The following TIAM1 variants were observed in gnomAD, a reference collection of about 807,000 sequenced individuals.
TIAM1 encodes rho guanine nucleotide exchange factor TIAM1.
TIAM1 carries 65 observed loss-of-function variants against 163.5 expected under a neutral mutation model. That is an observed-to-expected ratio of 0.40 (90% CI 0.33 to 0.49). The LOEUF (loss-of-function observed/expected upper bound fraction) is 0.49. Ranked by LOEUF, TIAM1 falls within the 20% of genes least tolerant of loss-of-function variation. The pLI is 0.77. For synonymous variants in TIAM1, 833 were observed against 810.1 expected (o/e 1.03, Z -0.48); for missense variants, 1,789 against 2,044.7 (o/e 0.87, Z 2.41).
At chr21:31,341,986 A>C (rs769786581) in intron 1 of TIAM1, among the ~76,000 whole-genome samples, 4 of 152,198 alleles carry the variant, frequency 2.6e-5, no homozygotes, top group African/African-American at 9.7e-5. Context: ...CCATGAATGA[A>C]AAAGGAAACA....
intron 2 of TIAM1, among the ~76,000 whole-genome samples, chr21:31,443,768 A>G (rs545331387): frequency 2.6e-5 from 4 of 152,342 alleles, no homozygotes; most frequent in Non-Finnish European, 4.4e-5. Flanking sequence ...GGTTTCTACA[A>G]TGAGCCCTGA....
At chr21:31,428,827 G>A (rs1376718074) in intron 2 of TIAM1, among the ~76,000 whole-genome samples, 3 of 151,146 alleles carry the variant, frequency 2.0e-5, no homozygotes, top group Non-Finnish European at 2.9e-5. Flanking sequence ...AGGCTGCAGT[G>A]AGCTGAGATC....
In TIAM1 at chr21:31,485,841, T is replaced by C. The variant is rs531467783; in HGVS notation, c.-421-21806A>G. 1.6e-4 allele frequency among the ~76,000 whole-genome samples: 24 copies of C among 152,290 alleles called. No individual in the cohort carries two copies. In the South Asian group the frequency reaches 4.1e-3, roughly 26 times the overall value. On this transcript the variant is annotated intron_variant, in intron 1 of 28. Transcript: ENST00000286827. ...CACCTACCTGAGGGGTAGGTGCTACTAACATTCCTACTTTGCAGATGAGGA... is the reference window on the plus strand; with the variant it reads ...CACCTACCTGAGGGGTAGGTGCTACCAACATTCCTACTTTGCAGATGAGGA...
chr21:31,266,335 C>G lies in TIAM1; in HGVS notation c.638G>C (p.Gly213Ala). 6.2e-7 allele frequency: 1 copy of G among 1,614,232 alleles called. No individual in the cohort carries two copies. The part of the protein sequence containing the change: ...AEEKDCEEAR[G>A]METRASPRQL... ...CCGCGGACTCGCCCGCGTTTCCATC[C>G]CCCGAGCCTCCTCGCAGTCCTTCTC... The change falls in exon 4 of 28, where the codon GGG becomes GCG. Residue 213 changes from glycine (G) to alanine (A), a missense_variant. Physicochemically the swap from Gly to Ala is moderately conservative, Grantham distance 60 (BLOSUM62 0). This residue lies in a region of TIAM1 where 555 missense variants were observed against 564.9 expected (regional missense o/e 0.98). Coordinates refer to ENST00000541036, the MANE Select transcript of TIAM1 (RefSeq NM_001353694.2).
In TIAM1 at chr21:31,266,940, G is replaced by A. The variant is rs772763315; in HGVS notation, c.33C>T (p.His11=). The A allele has an allele frequency of 3.2e-5, 51 of 1,609,894 alleles. No homozygotes were observed. In the East Asian group the frequency reaches 7.4e-4, roughly 23 times the overall value. MGNAESQHVE[H]EFYGEKHASL... ...TGGCATGCTTTTCTCCATAAAACTC[G>A]TGCTCTACATGTTGACTTTCTGCGT... is the stretch of plus-strand genomic sequence containing the variant. The change falls in exon 4 of 28, where the codon CAC becomes CAT. Residue 11 remains histidine (H), a synonymous_variant. Coordinates refer to ENST00000541036, the MANE Select transcript of TIAM1 (RefSeq NM_001353694.2).
intron 1 of TIAM1, among the ~76,000 whole-genome samples, chr21:31,528,260 C>T (rs528301759): frequency 1.6e-4 from 24 of 152,254 alleles, no homozygotes; most frequent in African/African-American, 5.5e-4. Context: ...CATCCCTATA[C>T]TCCCAGCACT....
At chr21:31,505,838 G>A (rs867817441) in intron 1 of TIAM1, among the ~76,000 whole-genome samples, 4 of 151,706 alleles carry the variant, frequency 2.6e-5, no homozygotes, top group Non-Finnish European at 4.4e-5. Context: ...ATGAAACCCC[G>A]TCTCTACTAA....
At chr21:31,488,323 C>T (rs1437729303) in intron 1 of TIAM1, among the ~76,000 whole-genome samples, 1 of 152,184 alleles carries the variant, frequency 6.6e-6, no homozygotes, top group Admixed American at 6.5e-5. Context: ...CTTAGAAGAG[C>T]TGGGATTTGA....
intron 2 of TIAM1, among the ~76,000 whole-genome samples, chr21:31,357,896 C>T (rs2076342609): frequency 6.6e-6 from 1 of 152,252 alleles, no homozygotes. Context: ...ATAAATTCTT[C>T]TGCCTTGCTG....
At chr21:31,383,953 C>T (rs1164867903) in intron 2 of TIAM1, among the ~76,000 whole-genome samples, 1 of 152,156 alleles carries the variant, frequency 6.6e-6, no homozygotes, top group Admixed American at 6.5e-5. Flanking sequence ...CTAGATCTGA[C>T]AGCTGCTCCT....
intron 16 of TIAM1, chr21:31,160,976 C>T (rs2083887560): frequency 6.5e-6 from 1 of 153,978 alleles, no homozygotes; most frequent in Admixed American, 6.5e-5. Context: ...TAAACCTGCC[C>T]GGCTCCGACA....
intron 3 of TIAM1, 106 bp from the exon 4 acceptor site, chr21:31,267,089 C>T (rs2072819779): frequency 1.4e-6 from 2 of 1,459,322 alleles, no homozygotes; most frequent in Admixed American, 4.7e-5. Context: ...CACCTTGGCT[C>T]ACAGGGGTTG....
rs1364719489 is a variant in TIAM1, at chr21:31,353,941, C to T, written c.-368-14519G>A. On this transcript the variant is annotated intron_variant, in intron 2 of 28. Coordinates refer to the TIAM1 transcript ENST00000286827. Reference sequence around the variant, plus strand: ...GCAACCTCTGCCTCCTGGGTTCAAGCGATTCTGTGTCTCAGACTCCCAAGT... The same window carrying T: ...GCAACCTCTGCCTCCTGGGTTCAAGTGATTCTGTGTCTCAGACTCCCAAGT... 3.7e-5 allele frequency among the ~76,000 whole-genome samples: 5 copies of T among 136,300 alleles called. No homozygotes were observed. In the South Asian group the frequency reaches 7.5e-4, roughly 20 times the overall value. 89.4% of individuals were successfully genotyped at this position (136,300 alleles called of 152,430 possible).
At chr21:31,143,944 G>C (rs1481017564) in intron 20 of TIAM1, among the ~76,000 whole-genome samples, 1 of 152,006 alleles carries the variant, frequency 6.6e-6, no homozygotes, top group African/African-American at 2.4e-5. Context: ...ATGTTGGTCA[G>C]GTTGGTCTCG....
chr21:31,543,556 C>G (rs548961585), intron 1 of TIAM1, among the ~76,000 whole-genome samples: 2 of 151,956 alleles, frequency 1.3e-5, no homozygotes, highest in Non-Finnish European at 1.5e-5. Context: ...CTTCAAGTCA[C>G]GGAGGAAGCA....
chr21:31,152,527 T>C (rs2083426334), intron 19 of TIAM1, 109 bp downstream of exon 19: 1 of 1,460,924 alleles, frequency 6.8e-7, no homozygotes, highest in Non-Finnish European at 9.3e-7. Flanking sequence ...CAGACACCCT[T>C]AGGAACAGAC....
intron 2 of TIAM1, among the ~76,000 whole-genome samples, chr21:31,295,336 G>A (rs887387203): frequency 1.3e-5 from 2 of 152,086 alleles, no homozygotes; most frequent in Admixed American, 6.5e-5. Context: ...TGGGCGTGGT[G>A]GCAGGCACCT....
chr21:31,506,367 CCTT>C (rs147343931), intron 1 of TIAM1, among the ~76,000 whole-genome samples: 6,220 of 151,862 alleles, frequency 0.041, 426 homozygotes, highest in African/African-American at 0.14. Flanking sequence ...TCATCTTAAC[CCTT>C]CTTAAGTGTA....
intron 2 of TIAM1, among the ~76,000 whole-genome samples, chr21:31,289,726 A>G (rs1385233331): frequency 1.3e-5 from 2 of 152,214 alleles, no homozygotes; most frequent in Non-Finnish European, 2.9e-5. Context: ...GAGGATAATC[A>G]GCCTCTTTTA....
Sources: allele counts gnomAD v4.1 joint callset (sites outside exome capture counted in the v4.1 genomes callset), GRCh38; gene constraint gnomAD v4.1.1; regional missense constraint gnomAD v4.1.1; transcripts MANE v1.5; gene names NCBI Gene and HGNC (gene_info 2026-07-23, HGNC 2026-07-21).